BICC1: variants seen among roughly 807,000 people sequenced by gnomAD.
The protein encoded by BICC1 is protein bicaudal C homolog 1.
Under a neutral mutation model 111.0 loss-of-function variants are expected in BICC1, and 43 were observed. The ratio of observed to expected loss-of-function variants is 0.39; its 90% CI spans 0.30 to 0.50. BICC1 has a LOEUF of 0.50. BICC1 is among the 20% of genes least tolerant of loss of function. The pLI is 0.88. For missense variants in BICC1, 1,091 were observed against 1,203.2 expected (o/e 0.91, Z 1.38); for synonymous variants, 467 against 434.4 (o/e 1.07, Z -0.93).
intron 1 of BICC1, among the ~76,000 whole-genome samples, chr10:58,552,968 T>A (rs1231989213): frequency 6.6e-6 from 1 of 152,194 alleles, no homozygotes; most frequent in Non-Finnish European, 1.5e-5. Flanking sequence ...AAGAAATTTT[T>A]ATTCATCTGC....
chr10:58,725,668 T>G lies in BICC1; in HGVS notation c.307+23525T>G, dbSNP rs1841082496. Among the ~76,000 whole-genome samples, 3 of 152,224 alleles carry G rather than the reference T, an allele frequency of 2.0e-5. No individual in the cohort carries two copies. The South Asian group carries it at 6.2e-4, about 32-fold the overall frequency. On this transcript the variant is annotated intron_variant, in intron 3 of 20. Coordinates refer to ENST00000373886, the MANE Select transcript of BICC1 (RefSeq NM_001080512.3). ...CACATGGTTTACTTGCTAGTCTTCTTGAATTTTTCAGATGGTGAGCCTGTG... is the reference window on the plus strand; with the variant it reads ...CACATGGTTTACTTGCTAGTCTTCTGGAATTTTTCAGATGGTGAGCCTGTG...
intron 1 of BICC1, among the ~76,000 whole-genome samples, chr10:58,612,607 A>G (rs941408185): frequency 1.3e-5 from 2 of 152,104 alleles, no homozygotes; most frequent in African/African-American, 4.8e-5. Context: ...GTTAAAAAAA[A>G]AAAAAAAAGA....
chr10:58,673,573 G>T (rs1839246309), intron 2 of BICC1, among the ~76,000 whole-genome samples: 1 of 152,024 alleles, frequency 6.6e-6, no homozygotes, highest in African/African-American at 2.4e-5. Context: ...TATGATTCTG[G>T]TAGTAGCACC....
At chr10:58,756,666 T>G (rs1448968167) in intron 3 of BICC1, among the ~76,000 whole-genome samples, 1 of 146,530 alleles carries the variant, frequency 6.8e-6, no homozygotes, top group Non-Finnish European at 1.5e-5. Context: ...TTTGCCAGAG[T>G]CTTCTCCTTA....
intron 1 of BICC1, among the ~76,000 whole-genome samples, chr10:58,542,735 A>C (rs556652390): frequency 6.6e-6 from 1 of 152,294 alleles, no homozygotes; most frequent in South Asian, 2.1e-4. Context: ...TTAGCCAACA[A>C]ACATGAAAAT....
At chr10:58,749,614 T>C (rs1241509322) in intron 3 of BICC1, among the ~76,000 whole-genome samples, 1 of 152,148 alleles carries the variant, frequency 6.6e-6, no homozygotes, top group Non-Finnish European at 1.5e-5. Context: ...TGTAATGTTA[T>C]TAAAATAGGT....
intron 1 of BICC1, among the ~76,000 whole-genome samples, chr10:58,563,498 C>T (rs1488214933): frequency 1.3e-5 from 2 of 152,198 alleles, no homozygotes; most frequent in African/African-American, 4.8e-5. Flanking sequence ...GGATGCTTTA[C>T]TTCCTTCTCT....
In BICC1 at chr10:58,805,151, A is replaced by G. The variant is rs191374884; in HGVS notation, c.2182-1433A>G. 4.6e-5 allele frequency among the ~76,000 whole-genome samples: 7 copies of G among 152,144 alleles called. No homozygotes were observed. In the East Asian group the frequency reaches 1.4e-3, roughly 29 times the overall value. ...CTACTAAAAATACAAAAATTAGCCCAGCTTGGTGGTGGGCGCCTGTAGTCT... is the reference window on the plus strand; with the variant it reads ...CTACTAAAAATACAAAAATTAGCCCGGCTTGGTGGTGGGCGCCTGTAGTCT... On this transcript the variant is annotated intron_variant, in intron 15 of 20. Transcript: ENST00000373886.
chr10:58,659,597 A>G (rs1436599260), intron 2 of BICC1, among the ~76,000 whole-genome samples: 1 of 151,954 alleles, frequency 6.6e-6, no homozygotes, highest in Non-Finnish European at 1.5e-5. Context: ...TCCAAAAACT[A>G]CCTAATTGGA....
chr10:58,817,947 T>C (rs1279251732), intron 19 of BICC1, among the ~76,000 whole-genome samples: 3 of 152,206 alleles, frequency 2.0e-5, no homozygotes, highest in Non-Finnish European at 2.9e-5. Context: ...CAGAAAAATG[T>C]ACAATAGCTG....
At chr10:58,658,781 C>T (rs1392157234) in intron 2 of BICC1, among the ~76,000 whole-genome samples, 4 of 152,034 alleles carry the variant, frequency 2.6e-5, no homozygotes, top group Non-Finnish European at 5.9e-5. Flanking sequence ...CCCATCATTC[C>T]TGGAGCATTT....
chr10:58,593,266 A>G (rs556160882), intron 1 of BICC1, among the ~76,000 whole-genome samples: 3 of 152,216 alleles, frequency 2.0e-5, no homozygotes, highest in East Asian at 3.9e-4. Context: ...TAAAACCCCC[A>G]TCTCCCTGGA....
At chr10:58,556,855 T>C (rs938930835) in intron 1 of BICC1, among the ~76,000 whole-genome samples, 1 of 152,086 alleles carries the variant, frequency 6.6e-6, no homozygotes, top group African/African-American at 2.4e-5. Context: ...TATGTTTTTC[T>C]TGCATTACTA....
rs1263199468 is a variant in BICC1, at chr10:58,814,105, C to A, written c.2533+119C>A. 4 of 1,148,670 alleles carry A rather than the reference C, an allele frequency of 3.5e-6. No homozygotes were observed. The South Asian group carries it at 3.8e-5, about 11-fold the overall frequency. 71.2% of individuals were successfully genotyped at this position (1,148,670 alleles called of 1,614,324 possible). On this transcript the variant is annotated intron_variant, in intron 18 of 20. Coordinates refer to ENST00000373886, the MANE Select transcript of BICC1 (RefSeq NM_001080512.3). The stretch of plus-strand genomic sequence containing the variant: ...TCAAGTGCTTGGTGTAATTCACATG[C>A]CATCTCCTCTGTGAAGCCTCCTTGT...
intron 1 of BICC1, among the ~76,000 whole-genome samples, chr10:58,586,524 C>T (rs1178062110): frequency 2.4e-5 from 3 of 126,398 alleles, no homozygotes; most frequent in Admixed American, 8.5e-5. Flanking sequence ...TCACTTGAAC[C>T]GGGGTTGGGG....
At chr10:58,634,142 C>T (rs1837884020) in intron 2 of BICC1, among the ~76,000 whole-genome samples, 1 of 151,942 alleles carries the variant, frequency 6.6e-6, no homozygotes, top group South Asian at 2.1e-4. Context: ...CAGGTGCACG[C>T]CACCACGACT....
chr10:58,524,644 T>C (rs76100478), intron 1 of BICC1, among the ~76,000 whole-genome samples: 5 of 151,210 alleles, frequency 3.3e-5, no homozygotes, highest in Admixed American at 3.3e-4. Context: ...TCAGGACATA[T>C]GCATGGGCAA....
intron 17 of BICC1, among the ~76,000 whole-genome samples, chr10:58,811,002 A>G (rs1420768967): frequency 6.6e-6 from 1 of 152,140 alleles, no homozygotes; most frequent in Non-Finnish European, 1.5e-5. Context: ...TCTGTATTCA[A>G]TATTATTGAG....
At chr10:58,604,882 C>T (rs904578879) in intron 1 of BICC1, among the ~76,000 whole-genome samples, 2 of 152,078 alleles carry the variant, frequency 1.3e-5, no homozygotes, top group Non-Finnish European at 2.9e-5. Flanking sequence ...ATTTGGTGTC[C>T]TTTGAGGCCC....
Sources: gnomAD v4.1 joint callset for allele counts (sites outside exome capture counted in the v4.1 genomes callset) on GRCh38, gnomAD v4.1.1 for gene constraint, MANE v1.5 for transcripts, NCBI Gene and HGNC (gene_info 2026-07-23, HGNC 2026-07-21) for gene names.